Variants in NFE2L2 observed in about 807,000 individuals in gnomAD.
NFE2L2 encodes NFE2 like bZIP transcription factor 2.
A neutral mutation model predicts 49.6 loss-of-function variants in NFE2L2; 20 were observed. The observed-to-expected ratio is 0.40, with a 90% confidence interval of 0.28 to 0.59. NFE2L2 has a LOEUF of 0.59. NFE2L2 is among the 20% of genes least tolerant of loss of function. The pLI is 0.40. For synonymous variants in NFE2L2, 244 were observed against 256.5 expected, an observed-to-expected ratio of 0.95 and a Z score of 0.47; for missense variants, 578 against 714.2, an observed-to-expected ratio of 0.81 and a Z score of 2.17.
At chr2:177,250,624 A>G (rs1690301857) in intron 1 of NFE2L2, among the ~76,000 whole-genome samples, 1 of 152,214 alleles carries the variant, frequency 6.6e-6, no homozygotes, top group Non-Finnish European at 1.5e-5. Flanking sequence ...ACAAAAACAG[A>G]GAGGTTAAGT....
Position 177,232,119 on chromosome 2 carries a change from T to C in NFE2L2, c.595-111A>G, listed in dbSNP as rs775281126. ...TTATCTTCAGGCTTATCTCTATAAT[T>C]TATTATCTATAATTCAGAGATAATT... On this transcript the variant is annotated intron_variant, in intron 4 of 4. Coordinates refer to ENST00000397062, the MANE Select transcript of NFE2L2 (RefSeq NM_006164.5). The C allele has an allele frequency of 5.3e-4, 573 of 1,088,410 alleles. 1 individual carries two copies. Among genetic ancestry groups the C allele is most frequent in the Non-Finnish European group, 7.1e-4 (541 of 764,956 alleles). The allele number at this position is 1,088,410 out of a possible 1,614,324, so 67.4% of individuals were successfully genotyped here.
chr2:177,234,641 T>C (rs1689676750), intron 1 of NFE2L2, among the ~76,000 whole-genome samples: 1 of 152,244 alleles, frequency 6.6e-6, no homozygotes, highest in South Asian at 2.1e-4. Context: ...CACTGGCTTA[T>C]ATAAGAGAAG....
At position 177,251,261 on chromosome 2, in the gene NFE2L2, G is replaced by A. The variant is rs913701226; in HGVS notation, c.45+13271C>T. On this transcript the variant is annotated intron_variant, in intron 1 of 4. Transcript: ENST00000397062. The stretch of plus-strand genomic sequence containing the variant: ...TGTCTTAAAGCCTTTAAAGGGTTAC[G>A]AAGATGGCAAAAGGACAAAGCCACC... 9.2e-5 allele frequency among the ~76,000 whole-genome samples: 14 copies of A among 152,194 alleles called. No individual in the cohort carries two copies. The South Asian group carries it at 1.0e-3, about 11-fold the overall frequency.
intron 2 of NFE2L2, chr2:177,233,631 TA>T: frequency 2.0e-6 from 1 of 501,174 alleles, no homozygotes; most frequent in Non-Finnish European, 3.5e-6. Flanking sequence ...TTGTGTTAAT[TA>T]AATCAGTCAG....
intron 1 of NFE2L2, among the ~76,000 whole-genome samples, chr2:177,243,673 A>G (rs1690017501): frequency 6.6e-6 from 1 of 151,996 alleles, no homozygotes; most frequent in South Asian, 2.1e-4. Flanking sequence ...ATGCCTGGTT[A>G]ATTTTTATTT....
chr2:177,254,843 G>C (rs1690461692), intron 1 of NFE2L2, among the ~76,000 whole-genome samples: 1 of 152,194 alleles, frequency 6.6e-6, no homozygotes, highest in African/African-American at 2.4e-5. Context: ...GTGTTGTCCT[G>C]GCCAAATGGC....
At chr2:177,254,002 C>G (rs948565633) in intron 1 of NFE2L2, among the ~76,000 whole-genome samples, 2 of 152,130 alleles carry the variant, frequency 1.3e-5, no homozygotes, top group African/African-American at 4.8e-5. Flanking sequence ...CTTACTTTCC[C>G]CCCTTTACTC....
intron 1 of NFE2L2, among the ~76,000 whole-genome samples, chr2:177,257,699 A>G (rs1690576746): frequency 6.6e-6 from 1 of 152,210 alleles, no homozygotes; most frequent in Non-Finnish European, 1.5e-5. Flanking sequence ...ACCAGGCCGC[A>G]CAGCAGGAGG....
intron 1 of NFE2L2, chr2:177,263,696 C>T: frequency 1.0e-6 from 1 of 985,518 alleles, no homozygotes; most frequent in Non-Finnish European, 1.2e-6. Context: ...CGGGTGCCGC[C>T]GACTCCGGCC....
intron 1 of NFE2L2, among the ~76,000 whole-genome samples, chr2:177,251,706 T>C (rs1318535259): frequency 6.6e-6 from 1 of 152,134 alleles, no homozygotes; most frequent in Admixed American, 6.5e-5. Flanking sequence ...GTGTTTACAC[T>C]GGAACTCGAG....
At position 177,231,040 on chromosome 2, in the gene NFE2L2, A is replaced by G. The variant is rs773337752; in HGVS notation, c.1563T>C (p.Asn521=). Reference sequence around the variant, plus strand: ...CTAAATCTTGCTCTAGTTCTACTATATTTTCCAGTTTTCTTTTTCTGCAAT... The same window carrying G: ...CTAAATCTTGCTCTAGTTCTACTATGTTTTCCAGTTTTCTTTTTCTGCAAT... The part of the protein sequence containing the change: ...AQNCRKRKLE[N]IVELEQDLDH... The change falls in exon 5 of 5, where the codon AAT becomes AAC. Residue 521 remains asparagine, a synonymous_variant. Coordinates refer to ENST00000397062, the MANE Select transcript of NFE2L2 (RefSeq NM_006164.5). 5.6e-6 allele frequency: 9 copies of G among 1,613,778 alleles called. No individual in the cohort carries two copies. In the South Asian group the frequency reaches 8.8e-5, roughly 16 times the overall value.
intron 1 of NFE2L2, among the ~76,000 whole-genome samples, chr2:177,258,602 C>T (rs764121480): frequency 2.0e-5 from 3 of 151,818 alleles, no homozygotes; most frequent in Admixed American, 6.6e-5. Flanking sequence ...TTGTAAGGTA[C>T]GTAAATTGTA....
intron 1 of NFE2L2, chr2:177,263,387 C>CG (rs1690811110): frequency 1.0e-6 from 1 of 985,386 alleles, no homozygotes; most frequent in African/African-American, 1.7e-5. Flanking sequence ...TTCTAATCTA[C>CG]ACTCGCAACT....
At chr2:177,245,686 T>A (rs1487642283) in intron 1 of NFE2L2, among the ~76,000 whole-genome samples, 1 of 152,038 alleles carries the variant, frequency 6.6e-6, no homozygotes, top group East Asian at 1.9e-4. Flanking sequence ...CTCAGCTCAC[T>A]GCAACCTCCA....
intron 1 of NFE2L2, among the ~76,000 whole-genome samples, chr2:177,247,725 C>T (rs895507144): frequency 6.6e-6 from 1 of 151,928 alleles, no homozygotes; most frequent in Admixed American, 6.6e-5. Flanking sequence ...AACTTCCACT[C>T]CAGAAGTGTC....
chr2:177,237,396 C>T (rs1310782835), intron 1 of NFE2L2, among the ~76,000 whole-genome samples: 3 of 152,166 alleles, frequency 2.0e-5, no homozygotes, highest in African/African-American at 7.2e-5. Context: ...CAGGGGGATT[C>T]CCACTAAAAT....
At position 177,231,930 on chromosome 2, in the gene NFE2L2, T is replaced by C; in HGVS notation, c.673A>G (p.Asn225Asp). 1 of 1,614,076 alleles carries C rather than the reference T, an allele frequency of 6.2e-7. No homozygotes were observed. Among genetic ancestry groups the C allele is most frequent in the East Asian group, 2.2e-5 (1 of 44,882 alleles). The change falls in exon 5 of 5, where the codon AAT (asparagine) becomes GAT (aspartate). Residue 225 changes from asparagine (N) to aspartate (D), a missense_variant. Around this residue, in one of 3 missense-constraint regions of NFE2L2, gnomAD observed 368 missense variants for 384.6 expected, o/e 0.96. Transcript: ENST00000397062. Reference protein sequence around the residue: ...SPEAKLTEVDNYHFYSSIPSM... With the variant: ...SPEAKLTEVDDYHFYSSIPSM... ...GGTATAGATGAGTAAAAATGATAAT[T>C]GTCAACTTCTGTCAGTTTGGCTTCT...
intron 1 of NFE2L2, among the ~76,000 whole-genome samples, chr2:177,251,580 G>A (rs1328617107): frequency 6.6e-6 from 1 of 152,146 alleles, no homozygotes; most frequent in Non-Finnish European, 1.5e-5. Context: ...GGCCTGCTAT[G>A]GGGTTGGTTT....
At chr2:177,242,539 G>C (rs1043589211) in intron 1 of NFE2L2, among the ~76,000 whole-genome samples, 1 of 152,118 alleles carries the variant, frequency 6.6e-6, no homozygotes, top group Non-Finnish European at 1.5e-5. Context: ...AAAGTGGTCC[G>C]GTTTCTTCAA....
Sources: gnomAD v4.1 joint callset for allele counts (sites outside exome capture counted in the v4.1 genomes callset) on GRCh38, gnomAD v4.1.1 for gene constraint, gnomAD v4.1.1 regional missense constraint, MANE v1.5 for transcripts, NCBI Gene and HGNC (gene_info 2026-07-23, HGNC 2026-07-21) for gene names.